DLG2: variants seen among roughly 807,000 people sequenced by gnomAD.
DLG2 encodes the protein disks large homolog 2.
DLG2 carries 45 observed loss-of-function variants against 132.5 expected under a neutral mutation model. That is an observed-to-expected ratio of 0.34 (90% CI 0.27 to 0.44). The LOEUF (loss-of-function observed/expected upper bound fraction) is 0.44. Ranked by LOEUF, DLG2 falls within the 20% of genes least tolerant of loss-of-function variation. DLG2 has a pLI of 1.00. For synonymous variants in DLG2, 424 were observed against 419.6 expected (o/e 1.01, Z -0.13); for missense variants, 1,045 against 1,196.9 (o/e 0.87, Z 1.87).
intron 17 of DLG2, among the ~76,000 whole-genome samples, chr11:83,800,324 A>G (rs2044012382): frequency 6.6e-6 from 1 of 152,206 alleles, no homozygotes; most frequent in African/African-American, 2.4e-5. Context: ...TTAATAAACA[A>G]ATATATTCTA....
In DLG2 at chr11:84,972,060, G is replaced by A. The variant is rs576370034; in HGVS notation, c.357+139601C>T. On this transcript the variant is annotated intron_variant, in intron 6 of 27. Coordinates refer to ENST00000376104, the MANE Select transcript of DLG2 (RefSeq NM_001142699.3). ...GGTACTTACTTATGACTCAGAGGGG[G>A]GGAAAACATAAAATTTTAGATGCCA... Among the ~76,000 whole-genome samples the A allele has an allele frequency of 3.9e-5, 6 of 152,076 alleles. No individual in the cohort carries two copies. In the South Asian group the frequency reaches 1.2e-3, roughly 32 times the overall value.
At chr11:84,372,142 T>C (rs1407805201) in intron 7 of DLG2, among the ~76,000 whole-genome samples, 2 of 152,218 alleles carry the variant, frequency 1.3e-5, no homozygotes, top group South Asian at 2.1e-4. Context: ...TAGATTCATA[T>C]TGTACATAGG....
At chr11:85,272,765 T>C (rs762518290) in intron 4 of DLG2, among the ~76,000 whole-genome samples, 18 of 152,048 alleles carry the variant, frequency 1.2e-4, no homozygotes, top group Non-Finnish European at 2.2e-4. Context: ...CTAAAGTTCA[T>C]ATGGAACCAA....
At chr11:84,839,581 T>C (rs1303427782) in intron 6 of DLG2, among the ~76,000 whole-genome samples, 1 of 152,128 alleles carries the variant, frequency 6.6e-6, no homozygotes, top group Non-Finnish European at 1.5e-5. Flanking sequence ...TCATGCAACC[T>C]GACTTCAAAC....
chr11:84,351,278 A>T (rs1490994321), intron 7 of DLG2, among the ~76,000 whole-genome samples: 1 of 152,160 alleles, frequency 6.6e-6, no homozygotes, highest in East Asian at 1.9e-4. Context: ...TATATTATAT[A>T]AAAGGTGCTC....
At chr11:84,502,063 T>C (rs1261893809) in intron 7 of DLG2, among the ~76,000 whole-genome samples, 2 of 151,782 alleles carry the variant, frequency 1.3e-5, no homozygotes, top group African/African-American at 4.8e-5. Flanking sequence ...TTTCTTTTTT[T>C]CTTTTCTTTT....
intron 6 of DLG2, among the ~76,000 whole-genome samples, chr11:84,953,880 A>G (rs139461900): frequency 9.5e-4 from 145 of 152,250 alleles, no homozygotes; most frequent in African/African-American, 3.4e-3. Flanking sequence ...AGGCAGTTGA[A>G]ATGCTTCAAG....
At chr11:85,125,806 T>TAC (rs71465021) in intron 5 of DLG2, among the ~76,000 whole-genome samples, 1,521 of 148,610 alleles carry the variant, frequency 0.01, 7 homozygotes, top group Non-Finnish European at 0.014. Flanking sequence ...CCAGACATTA[T>TAC]ACACACACAC....
intron 10 of DLG2, among the ~76,000 whole-genome samples, chr11:84,070,370 G>A (rs761795399): frequency 6.6e-6 from 1 of 152,130 alleles, no homozygotes; most frequent in African/African-American, 2.4e-5. Flanking sequence ...CCCATGAAAT[G>A]TTTCCAAATC....
intron 6 of DLG2, among the ~76,000 whole-genome samples, chr11:85,016,398 A>AT (rs1365899303): frequency 1.3e-5 from 2 of 151,846 alleles, no homozygotes; most frequent in African/African-American, 4.8e-5. Flanking sequence ...TAATCTTTTC[A>AT]TTTTTTCCTC....
chr11:85,448,999 C>T (rs1393305777), intron 3 of DLG2, among the ~76,000 whole-genome samples: 3 of 152,254 alleles, frequency 2.0e-5, no homozygotes, highest in South Asian at 4.1e-4. Flanking sequence ...TCAAATGAAA[C>T]TCAGTCATTA....
intron 8 of DLG2, among the ~76,000 whole-genome samples, chr11:84,168,042 T>A (rs1215080166): frequency 6.6e-6 from 1 of 152,226 alleles, no homozygotes; most frequent in Non-Finnish European, 1.5e-5. Flanking sequence ...AAGCATTCAC[T>A]TTTTTAGACT....
At chr11:84,982,492 T>A (rs185040844) in intron 6 of DLG2, among the ~76,000 whole-genome samples, 21 of 152,300 alleles carry the variant, frequency 1.4e-4, no homozygotes, top group African/African-American at 4.8e-4. Flanking sequence ...TATTTTCTTA[T>A]ATTCTTAAGT....
chr11:85,037,663 G>GT (rs201315064), intron 6 of DLG2, among the ~76,000 whole-genome samples: 235 of 152,160 alleles, frequency 1.5e-3, no homozygotes, highest in African/African-American at 5.1e-3. Context: ...AATGTGGTGG[G>GT]TTTTTTTGCA....
intron 3 of DLG2, among the ~76,000 whole-genome samples, chr11:85,413,341 C>T (rs971124883): frequency 6.6e-6 from 1 of 152,006 alleles, no homozygotes; most frequent in African/African-American, 2.4e-5. Flanking sequence ...GATTTTTTCC[C>T]ACTCTGTGGG....
chr11:84,529,521 C>A lies in DLG2; in HGVS notation c.519+5049G>T, dbSNP rs7111823. Among the ~76,000 whole-genome samples the A allele has an allele frequency of 5.1e-3, 770 of 152,120 alleles. 5 individuals are homozygous for A. Among genetic ancestry groups the A allele is most frequent in the Middle Eastern group, 0.027 (8 of 294 alleles). ...ACAACATCCAAGCTGAGAGCAAAAT[C>A]GAGAACTCAATCTCATTTACAATAG... On this transcript the variant is annotated intron_variant, in intron 7 of 27. Transcript: ENST00000376104.
intron 21 of DLG2, among the ~76,000 whole-genome samples, chr11:83,532,247 CTTCTA>C (rs1238268732): frequency 1.3e-5 from 2 of 152,046 alleles, no homozygotes; most frequent in Non-Finnish European, 2.9e-5. Context: ...CATTAATTCT[CTTCTA>C]TGTCTGTCAC....
chr11:84,103,332 C>T (rs1048966281), intron 9 of DLG2, among the ~76,000 whole-genome samples: 1 of 152,156 alleles, frequency 6.6e-6, no homozygotes, highest in South Asian at 2.1e-4. Context: ...GTCCCAGAGC[C>T]TGCCAGCTGC....
At chr11:84,737,828 T>A (rs1166086508) in intron 6 of DLG2, among the ~76,000 whole-genome samples, 2 of 151,908 alleles carry the variant, frequency 1.3e-5, no homozygotes, top group African/African-American at 4.8e-5. Context: ...AGATCAGATA[T>A]GGGGGAAATT....
Sources: gnomAD v4.1 joint callset for allele counts (sites outside exome capture counted in the v4.1 genomes callset) on GRCh38, gnomAD v4.1.1 for gene constraint, MANE v1.5 for transcripts, NCBI Gene and HGNC (gene_info 2026-07-23, HGNC 2026-07-21) for gene names.